Variants in BMPR1B observed in about 807,000 individuals in gnomAD.
The protein encoded by BMPR1B is bone morphogenetic protein receptor type-1B.
A neutral mutation model predicts 59.1 loss-of-function variants in BMPR1B; 12 were observed. The ratio of observed to expected loss-of-function variants is 0.20; its 90% CI spans 0.13 to 0.33. The LOEUF (loss-of-function observed/expected upper bound fraction) is 0.33, where lower values mean the gene tolerates loss of function less well. Ranked by LOEUF, BMPR1B falls within the 10% of genes least tolerant of loss-of-function variation. BMPR1B has a pLI of 1.00. For missense variants in BMPR1B, 550 were observed against 610.9 expected (o/e 0.90, Z 1.05); for synonymous variants, 237 against 207.3 (o/e 1.14, Z -1.23).
intron 2 of BMPR1B, among the ~76,000 whole-genome samples, chr4:94,973,511 C>T (rs145693218): frequency 3.3e-5 from 5 of 152,274 alleles, no homozygotes; most frequent in African/African-American, 1.2e-4. Context: ...TCAAGCTGTC[C>T]CTCTGAAGTC....
chr4:94,992,172 A>AG (rs1199473195), intron 2 of BMPR1B, among the ~76,000 whole-genome samples: 4 of 152,240 alleles, frequency 2.6e-5, no homozygotes, highest in Non-Finnish European at 5.9e-5. Context: ...GATTAAAAAA[A>AG]CCTTTAAGTT....
chr4:95,103,427 A>G, intron 3 of BMPR1B: 1 of 984,396 alleles, frequency 1.0e-6, no homozygotes. Context: ...GTTATGAGAG[A>G]GATTTTAAAT....
chr4:95,039,202 A>C (rs1209963848), intron 3 of BMPR1B, among the ~76,000 whole-genome samples: 1 of 152,194 alleles, frequency 6.6e-6, no homozygotes, highest in Non-Finnish European at 1.5e-5. Flanking sequence ...CGTGATCACT[A>C]AAGTTCGTCC....
intron 2 of BMPR1B, among the ~76,000 whole-genome samples, chr4:94,900,468 C>T (rs1374916620): frequency 6.6e-6 from 1 of 151,832 alleles, no homozygotes; most frequent in Non-Finnish European, 1.5e-5. Flanking sequence ...TTTGTACATA[C>T]AAATATGATG....
chr4:95,007,278 A>G (rs1722912114), intron 3 of BMPR1B, among the ~76,000 whole-genome samples: 1 of 152,166 alleles, frequency 6.6e-6, no homozygotes, highest in African/African-American at 2.4e-5. Context: ...ATATCACACT[A>G]TGATGGCATG....
At chr4:94,849,486 A>G (rs1725483466) in intron 1 of BMPR1B, among the ~76,000 whole-genome samples, 1 of 152,096 alleles carries the variant, frequency 6.6e-6, no homozygotes, top group South Asian at 2.1e-4. Context: ...GGCAGCTGGA[A>G]TAGGAAATGA....
intron 3 of BMPR1B, among the ~76,000 whole-genome samples, chr4:95,030,926 G>T (rs571392954): frequency 6.6e-6 from 1 of 152,158 alleles, no homozygotes; most frequent in South Asian, 2.1e-4. Context: ...AATCAGTATC[G>T]TGAAAATGGC....
At chr4:94,776,872 T>C (rs1413725421) in intron 1 of BMPR1B, among the ~76,000 whole-genome samples, 1 of 152,188 alleles carries the variant, frequency 6.6e-6, no homozygotes, top group Non-Finnish European at 1.5e-5. Flanking sequence ...GAGCCTGTTA[T>C]TTGTTACCAT....
intron 2 of BMPR1B, among the ~76,000 whole-genome samples, chr4:94,928,609 T>C (rs2149031714): frequency 6.6e-6 from 1 of 151,130 alleles, no homozygotes; most frequent in African/African-American, 2.4e-5. Flanking sequence ...CTTAGTAATA[T>C]AAGAAAAAAT....
Position 94,837,785 on chromosome 4 carries a change from C to T in BMPR1B, c.-182-38046C>T, listed in dbSNP as rs1321319739. ...TGCCTAATTGCCCTGGCCAGAACTT[C>T]CAACACCATGTTGAATAGGAGTGGT... On this transcript the variant is annotated intron_variant, in intron 1 of 12. Coordinates refer to ENST00000515059, the MANE Select transcript of BMPR1B (RefSeq NM_001203.3). Among the ~76,000 whole-genome samples the T allele has an allele frequency of 1.4e-4, 20 of 143,486 alleles. 3 individuals carry two copies. The highest frequency in any genetic ancestry group is 3.1e-5 in the Non-Finnish European group (2 of 65,048). 94.1% of individuals were successfully genotyped at this position (143,486 alleles called of 152,430 possible). A position where few individuals can be genotyped will look rare whatever the true frequency, so the allele number is the denominator to read the frequency against.
intron 3 of BMPR1B, among the ~76,000 whole-genome samples, chr4:95,008,079 A>G (rs765097271): frequency 2.1e-4 from 32 of 152,302 alleles, no homozygotes; most frequent in Admixed American, 7.8e-4. Context: ...ATTATTAATC[A>G]GTATATAGGG....
chr4:95,084,472 T>G (rs1444599523), intron 3 of BMPR1B, among the ~76,000 whole-genome samples: 1 of 151,958 alleles, frequency 6.6e-6, no homozygotes, highest in African/African-American at 2.4e-5. Context: ...CAATGGGAGG[T>G]TAGATGCCCT....
At chr4:94,970,826 C>T (rs1374065691) in intron 2 of BMPR1B, among the ~76,000 whole-genome samples, 3 of 152,176 alleles carry the variant, frequency 2.0e-5, no homozygotes, top group East Asian at 1.9e-4. Flanking sequence ...ATGAAATATG[C>T]GATGATTGTT....
At chr4:94,804,383 G>A (rs543709065) in intron 1 of BMPR1B, among the ~76,000 whole-genome samples, 44 of 152,128 alleles carry the variant, frequency 2.9e-4, no homozygotes, top group African/African-American at 9.2e-4. Flanking sequence ...GAAATTGTGC[G>A]GTAGGAAAAG....
chr4:94,868,075 C>G (rs1295868327), intron 1 of BMPR1B, among the ~76,000 whole-genome samples: 1 of 149,894 alleles, frequency 6.7e-6, no homozygotes, highest in Non-Finnish European at 1.5e-5. Context: ...GTTGCCCAGT[C>G]TAATCTAGAA....
At chr4:94,954,523 A>G (rs934131397) in intron 2 of BMPR1B, among the ~76,000 whole-genome samples, 39 of 152,314 alleles carry the variant, frequency 2.6e-4, no homozygotes, top group African/African-American at 8.4e-4. Flanking sequence ...GGAATGCACA[A>G]CCACCTTTGC....
intron 1 of BMPR1B, among the ~76,000 whole-genome samples, chr4:94,817,921 A>G (rs554355125): frequency 2.8e-4 from 43 of 152,252 alleles, no homozygotes; most frequent in Admixed American, 5.2e-4. Flanking sequence ...AGAAACCATC[A>G]CTCTAAGGAG....
intron 2 of BMPR1B, among the ~76,000 whole-genome samples, chr4:94,924,348 C>T (rs1728807678): frequency 6.6e-6 from 1 of 152,044 alleles, no homozygotes; most frequent in African/African-American, 2.4e-5. Flanking sequence ...TTTGCTTTCT[C>T]AACATTATAA....
At chr4:94,869,065 A>G (rs915602509) in intron 1 of BMPR1B, among the ~76,000 whole-genome samples, 1 of 150,734 alleles carries the variant, frequency 6.6e-6, no homozygotes, top group Admixed American at 6.7e-5. Flanking sequence ...ATTAAACTCC[A>G]TGATTTGTTT....
Sources: allele counts gnomAD v4.1 joint callset (sites outside exome capture counted in the v4.1 genomes callset), GRCh38; gene constraint gnomAD v4.1.1; transcripts MANE v1.5; gene names NCBI Gene and HGNC (gene_info 2026-07-23, HGNC 2026-07-21).